NAT2: variants seen among roughly 807,000 people sequenced by gnomAD.
The protein encoded by NAT2 is arylamine N-acetyltransferase 2.
For synonymous variants in NAT2, 137 were observed against 125.9 expected, an observed-to-expected ratio of 1.09 and a Z score of -0.59; for missense variants, 428 against 339.1, an observed-to-expected ratio of 1.26 and a Z score of -2.06.
chr8:18,395,827 A>G (rs906881936), intron 1 of NAT2, among the ~76,000 whole-genome samples: 1 of 151,946 alleles, frequency 6.6e-6, no homozygotes, highest in Non-Finnish European at 1.5e-5. Flanking sequence ...GCAAAGTGAT[A>G]ACTCAAAGAT....
intron 1 of NAT2, among the ~76,000 whole-genome samples, chr8:18,394,904 T>C (rs1234287574): frequency 2.6e-5 from 4 of 152,162 alleles, no homozygotes; most frequent in African/African-American, 9.7e-5. Flanking sequence ...TTTCCAAATT[T>C]CAGAGAAATC....
intron 1 of NAT2, among the ~76,000 whole-genome samples, chr8:18,397,416 G>A (rs1396712764): frequency 6.6e-6 from 1 of 152,060 alleles, no homozygotes; most frequent in Non-Finnish European, 1.5e-5. Context: ...GAATTATTTT[G>A]TATGATAAAT....
At chr8:18,388,504 C>CAAAAAAAAAAAAAA (rs11390514), upstream of NAT2, among the ~76,000 whole-genome samples, 3 of 78,476 alleles carry the variant, frequency 3.8e-5, no homozygotes, top group Admixed American at 1.5e-4. Flanking sequence ...AGATAATAAG[C>CAAAAAAAAAAAAAA]AAAAAAAAAA....
upstream of NAT2, chr8:18,387,086 G>C (rs1216569529): frequency 6.6e-6 from 1 of 152,576 alleles, no homozygotes; most frequent in Admixed American, 6.5e-5. Flanking sequence ...TGGGGGAAGG[G>C]GGGAGCCCTC....
chr8:18,398,017 C>T (rs977164784), intron 1 of NAT2, among the ~76,000 whole-genome samples: 4 of 152,164 alleles, frequency 2.6e-5, no homozygotes, highest in African/African-American at 9.7e-5. Flanking sequence ...CAGAAACCCT[C>T]TGAAGGATTA....
At chr8:18,394,153 T>G (rs1303985669) in intron 1 of NAT2, among the ~76,000 whole-genome samples, 1 of 152,070 alleles carries the variant, frequency 6.6e-6, no homozygotes, top group Non-Finnish European at 1.5e-5. Context: ...GGTCACAAGG[T>G]GCTCAGTAGG....
upstream of NAT2, among the ~76,000 whole-genome samples, chr8:18,390,742 G>C (rs1800579679): frequency 6.6e-6 from 1 of 151,902 alleles, no homozygotes; most frequent in Admixed American, 6.6e-5. Flanking sequence ...CAGAAACAAA[G>C]CCATATGATA....
intron 1 of NAT2, among the ~76,000 whole-genome samples, chr8:18,391,855 C>A (rs577826470): frequency 6.6e-6 from 1 of 152,308 alleles, no homozygotes; most frequent in East Asian, 1.9e-4. Context: ...TCTGTTTTCT[C>A]TAAGGCTGCT....
At chr8:18,387,150 G>A (rs376474771), upstream of NAT2, 1 of 152,760 alleles carries the variant, frequency 6.5e-6, no homozygotes. Flanking sequence ...TCGTCCCCTT[G>A]CGGGCCCAGT....
chr8:18,399,016 G>C (rs545125376), intron 1 of NAT2, among the ~76,000 whole-genome samples: 1 of 152,220 alleles, frequency 6.6e-6, no homozygotes, highest in South Asian at 2.1e-4. Flanking sequence ...TTCTCATCTC[G>C]TTTAGAATAG....
upstream of NAT2, among the ~76,000 whole-genome samples, chr8:18,388,997 G>A (rs909494782): frequency 4.6e-5 from 7 of 152,258 alleles, no homozygotes; most frequent in African/African-American, 1.7e-4. Flanking sequence ...CCCAGCCTCA[G>A]GTGTTTCTTC....
At chr8:18,391,419 C>T (rs1800589857) in intron 1 of NAT2, 74 bp downstream of exon 1, 1 of 151,776 alleles carries the variant, frequency 6.6e-6, no homozygotes, top group African/African-American at 2.4e-5. Context: ...AATCAAGTCC[C>T]CCTACTGACT....
intron 1 of NAT2, among the ~76,000 whole-genome samples, chr8:18,395,543 C>T (rs138658278): frequency 0.026 from 4,012 of 152,100 alleles, 73 homozygotes; most frequent in Middle Eastern, 0.058. Context: ...TTTTAACATG[C>T]CAAATACACC....
At chr8:18,399,667 A>G (rs1476857105) in intron 1 of NAT2, among the ~76,000 whole-genome samples, 1 of 152,204 alleles carries the variant, frequency 6.6e-6, no homozygotes, top group African/African-American at 2.4e-5. Flanking sequence ...ATTGATACCA[A>G]TTGGAATCTC....
At chr8:18,389,511 T>G (rs1442182301), upstream of NAT2, among the ~76,000 whole-genome samples, 3 of 152,092 alleles carry the variant, frequency 2.0e-5, no homozygotes, top group Non-Finnish European at 4.4e-5. Flanking sequence ...ATCAGAGAAG[T>G]GAAAATGAAA....
At chr8:18,397,900 A>G (rs1115784) in intron 1 of NAT2, among the ~76,000 whole-genome samples, 49,777 of 151,904 alleles carry the variant, frequency 0.33, 8,704 homozygotes, top group East Asian at 0.67. Context: ...ATCTGTTGCT[A>G]TAGCCTGATG....
upstream of NAT2, among the ~76,000 whole-genome samples, chr8:18,388,368 C>T (rs1465473142): frequency 2.6e-5 from 4 of 152,122 alleles, no homozygotes; most frequent in Non-Finnish European, 5.9e-5. Context: ...GACTTCAATT[C>T]TGTCATGGAT....
intron 1 of NAT2, among the ~76,000 whole-genome samples, chr8:18,392,857 A>G (rs933962954): frequency 1.3e-5 from 2 of 152,202 alleles, no homozygotes; most frequent in Non-Finnish European, 2.9e-5. Flanking sequence ...AGAGGAAGGA[A>G]GAAGCTCGGC....
Position 18,401,123 on chromosome 8 carries a change from CA to C in NAT2, c.*248del, listed in dbSNP as rs1554494366. ...GATGGCCTGTGATTATCTTGGGAAG[CA>C]GAGTGATTCATGCTAGAAAACATTT... On this transcript the variant is annotated 3_prime_UTR_variant, in exon 2 of 2. Coordinates refer to ENST00000286479, the MANE Select transcript of NAT2 (RefSeq NM_000015.3). 44 of 362,352 alleles carry C rather than the reference CA, an allele frequency of 1.2e-4. No individual in the cohort carries two copies. Among genetic ancestry groups the C allele is most frequent in the Non-Finnish European group, 1.0e-5 (2 of 197,012 alleles). The allele number at this position is 362,352 out of a possible 1,614,324, so 22.4% of individuals were successfully genotyped here.
Sources: gnomAD v4.1 joint callset for allele counts (sites outside exome capture counted in the v4.1 genomes callset) on GRCh38, gnomAD v4.1.1 for gene constraint, MANE v1.5 for transcripts, NCBI Gene and HGNC (gene_info 2026-07-23, HGNC 2026-07-21) for gene names.